RFFL: variants seen among roughly 807,000 people sequenced by gnomAD.
RFFL encodes ring finger and FYVE like domain containing E3 ubiquitin protein ligase.
RFFL carries 16 observed loss-of-function variants against 40.4 expected under a neutral mutation model. The observed-to-expected ratio is 0.40, with a 90% CI of 0.27 to 0.60. The LOEUF (loss-of-function observed/expected upper bound fraction) is 0.60. RFFL is among the 20% of genes least tolerant of loss of function. The pLI, the probability that RFFL is intolerant of heterozygous loss-of-function variation, is 0.47. For synonymous variants in RFFL, 154 were observed against 167.9 expected, an observed-to-expected ratio of 0.92 and a Z score of 0.64; for missense variants, 367 against 451.7, an observed-to-expected ratio of 0.81 and a Z score of 1.70.
chr17:35,080,091 C>CT (rs1276702697), intron 1 of RFFL, among the ~76,000 whole-genome samples: 2 of 152,114 alleles, frequency 1.3e-5, no homozygotes, highest in African/African-American at 2.4e-5. Context: ...GGACCTACTC[C>CT]TGCTAAGGCC....
chr17:35,038,167 T>C (rs2091136516), intron 1 of RFFL, among the ~76,000 whole-genome samples: 2 of 151,208 alleles, frequency 1.3e-5, no homozygotes, highest in South Asian at 4.2e-4. Flanking sequence ...CACATGCCTA[T>C]AATCCCAGCT....
chr17:35,016,300 A>G (rs35774217), intron 5 of RFFL, 70 bp downstream of exon 5: 18,429 of 1,378,460 alleles, frequency 0.013, 170 homozygotes, highest in South Asian at 0.029. Context: ...TCAGGTCAAT[A>G]CCATCATGCT....
At chr17:35,063,031 A>G (rs912155405) in intron 1 of RFFL, among the ~76,000 whole-genome samples, 20 of 152,236 alleles carry the variant, frequency 1.3e-4, no homozygotes, top group African/African-American at 4.6e-4. Flanking sequence ...TGTTTCTCAC[A>G]AGATACACAC....
At chr17:35,029,333 T>C (rs1221301227) in intron 1 of RFFL, among the ~76,000 whole-genome samples, 1 of 150,664 alleles carries the variant, frequency 6.6e-6, no homozygotes, top group African/African-American at 2.5e-5. Context: ...CTCTGAAATA[T>C]TTTGTAGTTT....
At chr17:35,031,355 C>T (rs1295785047) in intron 1 of RFFL, among the ~76,000 whole-genome samples, 1 of 152,080 alleles carries the variant, frequency 6.6e-6, no homozygotes, top group East Asian at 1.9e-4. Context: ...GATCCGCCTG[C>T]CACGGCCTCC....
intron 3 of RFFL, among the ~76,000 whole-genome samples, chr17:35,018,225 T>A (rs1391856452): frequency 6.6e-6 from 1 of 152,204 alleles, no homozygotes; most frequent in Non-Finnish European, 1.5e-5. Flanking sequence ...GTGCTCCCCA[T>A]GTTGAGCACA....
At chr17:35,030,261 T>G (rs867883627) in intron 1 of RFFL, among the ~76,000 whole-genome samples, 1 of 148,852 alleles carries the variant, frequency 6.7e-6, no homozygotes, top group Non-Finnish European at 1.5e-5. Context: ...CCTGAGGAAT[T>G]GCCACACTGA....
rs142645863 is a variant in RFFL at position 35,011,733 on chromosome 17, C to G, written c.*235G>C. The G allele has an allele frequency of 3.1e-3, 1,590 of 520,024 alleles. 6 individuals are homozygous for G. The highest frequency in any genetic ancestry group is 0.025 in the Middle Eastern group (48 of 1,888). The allele number at this position is 520,024 out of a possible 1,614,324, so 32.2% of individuals were successfully genotyped here. Reference sequence around the variant, plus strand: ...CATCATCACTCCAAGATCACTGAACCAAGAACATACCCATGTGATTTATAC... The same window carrying G: ...CATCATCACTCCAAGATCACTGAACGAAGAACATACCCATGTGATTTATAC... On this transcript the variant is annotated 3_prime_UTR_variant, in exon 7 of 7. Transcript: ENST00000394597.
At chr17:35,083,215 TC>T (rs1247438063) in intron 1 of RFFL, among the ~76,000 whole-genome samples, 1 of 152,236 alleles carries the variant, frequency 6.6e-6, no homozygotes, top group African/African-American at 2.4e-5. Context: ...TCTAGTTGTT[TC>T]CACATTATCA....
Position 35,012,101 on chromosome 17 carries a change from A to T in RFFL, c.959T>A (p.Met320Lys). Reference sequence around the variant, plus strand: ...AAGAACACAGTCAATGGGTGAGTCCATGCAGATCTTACACAGGTTCTCCTC... The same window carrying T: ...AAGAACACAGTCAATGGGTGAGTCCTTGCAGATCTTACACAGGTTCTCCTC... Reference protein sequence around the residue: ...GLEENLCKICMDSPIDCVLLE... With the variant: ...GLEENLCKICKDSPIDCVLLE... The change falls in exon 7 of 7, where the codon ATG becomes AAG. Residue 320 changes from methionine (M) to lysine (K), a missense_variant. Coordinates refer to ENST00000394597, the MANE Select transcript of RFFL (RefSeq NM_001017368.2). The T allele has an allele frequency of 1.2e-6, 2 of 1,614,224 alleles. No individual in the cohort carries two copies. The highest frequency in any genetic ancestry group is 1.7e-6 in the Non-Finnish European group (2 of 1,180,038).
At chr17:35,026,326 TG>T in intron 2 of RFFL, 47 bp downstream of exon 2, 2 of 1,591,562 alleles carry the variant, frequency 1.3e-6, no homozygotes, top group Non-Finnish European at 1.7e-6. Flanking sequence ...CGCTTGCCCA[TG>T]GTCCATAGGC....
chr17:35,042,823 C>CA (rs11296826), intron 1 of RFFL, among the ~76,000 whole-genome samples: 1,751 of 59,852 alleles, frequency 0.029, 33 homozygotes, highest in South Asian at 0.069. Flanking sequence ...GACTCCATCT[C>CA]AAAAAAAAAA....
intron 1 of RFFL, among the ~76,000 whole-genome samples, chr17:35,081,005 G>A (rs182808733): frequency 6.6e-6 from 1 of 152,342 alleles, no homozygotes; most frequent in East Asian, 1.9e-4. Context: ...ATACACTGAA[G>A]TGTGCTCAAA....
intron 1 of RFFL, among the ~76,000 whole-genome samples, chr17:35,045,752 A>G (rs1029874750): frequency 6.6e-6 from 1 of 152,106 alleles, no homozygotes; most frequent in African/African-American, 2.4e-5. Context: ...GGCGAGGCAC[A>G]GTGGCTCACG....
At chr17:35,083,405 C>G (rs1467583800) in intron 1 of RFFL, among the ~76,000 whole-genome samples, 1 of 152,132 alleles carries the variant, frequency 6.6e-6, no homozygotes, top group African/African-American at 2.4e-5. Context: ...ATCAAACATC[C>G]TGGATAGCAT....
rs78914134 is a variant in RFFL at position 35,046,143 on chromosome 17, T to G, written c.-9+17433A>C. Among the ~76,000 whole-genome samples the G allele has an allele frequency of 1.1e-3, 161 of 152,232 alleles. 5 individuals carry two copies. The East Asian group carries it at 0.03, about 28-fold the overall frequency. ...CCTTGAACGAAAGACTGAAGAGAAT[T>G]TCTTTGTCTGCTAAGATTACTTGAA... On this transcript the variant is annotated intron_variant, in intron 1 of 6. Coordinates refer to ENST00000394597, the MANE Select transcript of RFFL (RefSeq NM_001017368.2).
At chr17:35,025,525 T>A (rs2091035700) in intron 2 of RFFL, among the ~76,000 whole-genome samples, 1 of 152,224 alleles carries the variant, frequency 6.6e-6, no homozygotes, top group South Asian at 2.1e-4. Flanking sequence ...AATAAAAAAA[T>A]TTAAATTCCT....
chr17:35,059,218 C>T (rs2091278714), intron 1 of RFFL, among the ~76,000 whole-genome samples: 1 of 151,916 alleles, frequency 6.6e-6, no homozygotes, highest in Non-Finnish European at 1.5e-5. Flanking sequence ...GGGGTTTCAC[C>T]ATGTTGGTCA....
chr17:35,014,715 T>C (rs1372563772), intron 6 of RFFL, 25 bp downstream of exon 6: 1 of 1,609,812 alleles, frequency 6.2e-7, no homozygotes, highest in East Asian at 2.2e-5. Context: ...CCTAAGCCCA[T>C]TCCCAAACAG....
Sources: allele counts gnomAD v4.1 joint callset (sites outside exome capture counted in the v4.1 genomes callset), GRCh38; gene constraint gnomAD v4.1.1; transcripts MANE v1.5; gene names NCBI Gene and HGNC (gene_info 2026-07-23, HGNC 2026-07-21).